The following CAMTA1 variants were observed in gnomAD, a reference collection of about 807,000 sequenced individuals.
The protein encoded by CAMTA1 is calmodulin binding transcription activator 1, also known as calmodulin-binding transcription activator 1.
CAMTA1 carries 27 observed loss-of-function variants against 170.9 expected under a neutral mutation model. The ratio of observed to expected loss-of-function variants is 0.16; its 90% confidence interval spans 0.12 to 0.22. The LOEUF (loss-of-function observed/expected upper bound fraction) is 0.22. Ranked by LOEUF, CAMTA1 falls within the 10% of genes least tolerant of loss-of-function variation. The pLI is 1.00. For missense variants in CAMTA1, 1,619 were observed against 2,217.2 expected, an observed-to-expected ratio of 0.73 and a Z score of 5.42; for synonymous variants, 833 against 891.5, an observed-to-expected ratio of 0.93 and a Z score of 1.17.
At chr1:7,220,667 G>A (rs375772113) in intron 4 of CAMTA1, among the ~76,000 whole-genome samples, 1 of 152,210 alleles carries the variant, frequency 6.6e-6, no homozygotes, top group Non-Finnish European at 1.5e-5. Flanking sequence ...GCCTCAGATA[G>A]CTTCTCCAAT....
intron 5 of CAMTA1, among the ~76,000 whole-genome samples, chr1:7,409,632 C>G (rs1234267619): frequency 6.6e-6 from 1 of 152,180 alleles, no homozygotes; most frequent in Non-Finnish European, 1.5e-5. Context: ...CAGCTGCCCA[C>G]GGGGTAGGAG....
At chr1:7,246,728 A>G (rs979204016) in intron 4 of CAMTA1, among the ~76,000 whole-genome samples, 3 of 126,646 alleles carry the variant, frequency 2.4e-5, no homozygotes, top group Admixed American at 2.1e-4. Flanking sequence ...GTGCCGTGGC[A>G]CGATCTCAGC....
Position 7,144,323 on chromosome 1 carries a change from G to A in CAMTA1, c.302+52952G>A, listed in dbSNP as rs935766592. ...TGTGAGAGACAGCAAGAGACAGAGC[G>A]AAAGAGAGAGTCTCTTTTCGTTCTA... On this transcript the variant is annotated intron_variant, in intron 4 of 22. Coordinates refer to ENST00000303635, the MANE Select transcript of CAMTA1 (RefSeq NM_015215.4). This position sits in a 1 kb window ranked among gnomAD's most constrained non-coding sequence, Gnocchi z 4.0. Among the ~76,000 whole-genome samples, 25 of 152,008 alleles carry A rather than the reference G, an allele frequency of 1.6e-4. No individual in the cohort carries two copies. The highest frequency in any genetic ancestry group is 7.4e-5 in the Non-Finnish European group (5 of 67,990).
chr1:7,477,495 G>A lies in CAMTA1; in HGVS notation c.510+9594G>A, dbSNP rs1328264582. Among the ~76,000 whole-genome samples, 10 of 152,152 alleles carry A rather than the reference G, an allele frequency of 6.6e-5. No homozygotes were observed. In the East Asian group the frequency reaches 7.7e-4, roughly 12 times the overall value. ...TTCAGGACCCTTGCCAAGGCTGCAC[G>A]GCAGAGCGGACAGTATTTCCCGCTC... On this transcript the variant is annotated intron_variant, in intron 6 of 22. Transcript: ENST00000303635.
chr1:7,168,214 G>A (rs1573605971), intron 4 of CAMTA1, among the ~76,000 whole-genome samples: 1 of 152,014 alleles, frequency 6.6e-6, no homozygotes, highest in Non-Finnish European at 1.5e-5. Flanking sequence ...AGGCACTTTG[G>A]TGGAATCTTT....
chr1:6,813,804 A>T (rs1022555155), intron 1 of CAMTA1, among the ~76,000 whole-genome samples: 1 of 152,092 alleles, frequency 6.6e-6, no homozygotes, highest in East Asian at 1.9e-4. Flanking sequence ...CTTTTGTCTC[A>T]GTGGCACAGT....
intron 4 of CAMTA1, among the ~76,000 whole-genome samples, chr1:7,112,113 G>T (rs1205463010): frequency 6.6e-6 from 1 of 152,132 alleles, no homozygotes; most frequent in Non-Finnish European, 1.5e-5. Flanking sequence ...TTGTAGGGGA[G>T]GCTGTGTGGG....
Position 7,471,842 on chromosome 1 carries a change from G to A in CAMTA1, c.510+3941G>A, listed in dbSNP as rs555902499. Among the ~76,000 whole-genome samples, 7 of 152,330 alleles carry A rather than the reference G, an allele frequency of 4.6e-5. No homozygotes were observed. In the South Asian group the frequency reaches 1.5e-3, roughly 32 times the overall value. On this transcript the variant is annotated intron_variant, in intron 6 of 22. Coordinates refer to ENST00000303635, the MANE Select transcript of CAMTA1 (RefSeq NM_015215.4). ...GTTCAGGGCCCCCTGACCTCCTCATGTGCCCCTTTCTCCTGGTCCTCCACC... is the reference window on the plus strand; with the variant it reads ...GTTCAGGGCCCCCTGACCTCCTCATATGCCCCTTTCTCCTGGTCCTCCACC...
At chr1:7,365,875 G>T (rs2085923898) in intron 5 of CAMTA1, among the ~76,000 whole-genome samples, 1 of 152,174 alleles carries the variant, frequency 6.6e-6, no homozygotes, top group Non-Finnish European at 1.5e-5. Context: ...ACTCCTCCGG[G>T]CAGCTCCTGC....
rs150032327 is a variant in CAMTA1 at position 7,314,252 on chromosome 1, C to T, written c.438+64626C>T. Among the ~76,000 whole-genome samples the T allele has an allele frequency of 3.7e-3, 569 of 152,278 alleles. 8 individuals are homozygous for T. The highest frequency in any genetic ancestry group is 0.025 in the Admixed American group (375 of 15,298). ...GTTTGAGTACTGAAGCAGGGTCCTCCAGCAGATGACCTTCCCCAAAGCCAG... is the reference window on the plus strand; with the variant it reads ...GTTTGAGTACTGAAGCAGGGTCCTCTAGCAGATGACCTTCCCCAAAGCCAG... On this transcript the variant is annotated intron_variant, in intron 5 of 22. Coordinates refer to ENST00000303635, the MANE Select transcript of CAMTA1 (RefSeq NM_015215.4).
chr1:6,998,606 A>G (rs1288408927), intron 3 of CAMTA1, among the ~76,000 whole-genome samples: 2 of 152,296 alleles, frequency 1.3e-5, no homozygotes, highest in East Asian at 3.9e-4. Context: ...TCTCCATAGC[A>G]CCGTCTGGTG....
intron 5 of CAMTA1, among the ~76,000 whole-genome samples, chr1:7,452,674 T>TC (rs567052959): frequency 4.5e-4 from 69 of 152,330 alleles, no homozygotes; most frequent in Admixed American, 7.8e-4. Context: ...TCAAGGTTCA[T>TC]CCATGTTGTG....
chr1:6,875,787 C>T (rs1669662567), intron 3 of CAMTA1, among the ~76,000 whole-genome samples: 1 of 152,160 alleles, frequency 6.6e-6, no homozygotes, highest in Admixed American at 6.6e-5. Flanking sequence ...TTTTAAGAAA[C>T]ACTTGCCCCA....
At chr1:7,391,340 T>TGTGTGTGTGTGG (rs2088693579) in intron 5 of CAMTA1, among the ~76,000 whole-genome samples, 1 of 151,676 alleles carries the variant, frequency 6.6e-6, no homozygotes, top group African/African-American at 2.4e-5. Context: ...TGTGTGTGTG[T>TGTGTGTGTGTGG]GTGTGTGTGT....
chr1:7,178,697 G>A (rs917269772), intron 4 of CAMTA1, among the ~76,000 whole-genome samples: 1 of 152,202 alleles, frequency 6.6e-6, no homozygotes, highest in African/African-American at 2.4e-5. Context: ...TAAAGAGCTA[G>A]AGGGAGAAGG....
chr1:6,988,741 C>A (rs1695807221), intron 3 of CAMTA1, among the ~76,000 whole-genome samples: 1 of 152,156 alleles, frequency 6.6e-6, no homozygotes. Context: ...ACCTCATTCC[C>A]CCTCTCCAGG....
chr1:7,472,132 G>A (rs543688198), intron 6 of CAMTA1, among the ~76,000 whole-genome samples: 12 of 152,210 alleles, frequency 7.9e-5, no homozygotes, highest in African/African-American at 2.9e-4. Flanking sequence ...GGAGGCAGCG[G>A]GGGGTCCTTC....
chr1:6,891,232 A>T (rs1674435957), intron 3 of CAMTA1, among the ~76,000 whole-genome samples: 1 of 152,198 alleles, frequency 6.6e-6, no homozygotes, highest in South Asian at 2.1e-4. Flanking sequence ...GTGCCCATAG[A>T]TCCCTTACCT....
intron 5 of CAMTA1, among the ~76,000 whole-genome samples, chr1:7,346,079 A>C (rs544656852): frequency 1.3e-5 from 2 of 152,338 alleles, no homozygotes; most frequent in East Asian, 3.9e-4. Flanking sequence ...GGCTGGTTGC[A>C]TCAGTTGGGC....
Sources: gnomAD v4.1 joint callset for allele counts (sites outside exome capture counted in the v4.1 genomes callset) on GRCh38, gnomAD v4.1.1 for gene constraint, Gnocchi (gnomAD v3.1) non-coding constraint, MANE v1.5 for transcripts, NCBI Gene and HGNC (gene_info 2026-07-23, HGNC 2026-07-21) for gene names.